The following DNAH9 variants were observed in gnomAD, a reference collection of about 807,000 sequenced individuals.
DNAH9 encodes DNAH9 variant protein.
In DNAH9, 345 loss-of-function variants were observed where a neutral mutation model predicts 471.6. That is an observed-to-expected ratio of 0.73 (90% CI 0.67 to 0.80). The LOEUF is 0.80. Ranked by LOEUF, DNAH9 falls within the 30% of genes least tolerant of loss-of-function variation. The probability of loss-of-function intolerance (pLI) is 0.00; values close to 1 mark genes in which losing one functional copy is unlikely to be tolerated. For missense variants in DNAH9, 5,407 were observed against 5,609.2 expected, an observed-to-expected ratio of 0.96 and a Z score of 1.15; for synonymous variants, 2,093 against 2,123.6, an observed-to-expected ratio of 0.99 and a Z score of 0.40.
chr17:11,852,492 A>G (rs1433960698), intron 49 of DNAH9, among the ~76,000 whole-genome samples: 4 of 152,066 alleles, frequency 2.6e-5, no homozygotes, highest in East Asian at 3.9e-4. Context: ...TGTCCAATCC[A>G]TGTCCAGTTT....
At chr17:11,747,959 T>C (rs1389972008) in intron 32 of DNAH9, among the ~76,000 whole-genome samples, 193 bp downstream of exon 32, 1 of 152,018 alleles carries the variant, frequency 6.6e-6, no homozygotes, top group East Asian at 1.9e-4. Context: ...TTTTCAGATA[T>C]TCTCCCTCCT....
chr17:11,603,697 T>C (rs1452876879), intron 1 of DNAH9, among the ~76,000 whole-genome samples: 1 of 152,194 alleles, frequency 6.6e-6, no homozygotes, highest in Non-Finnish European at 1.5e-5. Flanking sequence ...ACCCCCTTCA[T>C]AGCAGAATTC....
chr17:11,946,935 G>T (rs1975148656), intron 67 of DNAH9, among the ~76,000 whole-genome samples: 1 of 152,152 alleles, frequency 6.6e-6, no homozygotes, highest in Admixed American at 6.5e-5. Context: ...AACACTGTTA[G>T]CATTCATGAA....
At position 11,885,577 on chromosome 17, in the gene DNAH9, T is replaced by A. The variant is rs1972854992; in HGVS notation, c.10972-1248T>A. Among the ~76,000 whole-genome samples the A allele has an allele frequency of 3.9e-5, 6 of 152,372 alleles. No homozygotes were observed. The South Asian group carries it at 1.2e-3, about 32-fold the overall frequency. On this transcript the variant is annotated intron_variant, in intron 56 of 68. Transcript: ENST00000262442. The stretch of plus-strand genomic sequence containing the variant: ...TCTATTATTTAAACTGAACACTTTT[T>A]AAATTTAAATAACTATACTCTTATT...
chr17:11,883,017 A>C (rs2150997178), intron 55 of DNAH9: 1 of 985,816 alleles, frequency 1.0e-6, no homozygotes, highest in Admixed American at 6.1e-5. Context: ...AGCTGCCTGA[A>C]GTTAGTGCTT....
intron 26 of DNAH9, among the ~76,000 whole-genome samples, chr17:11,712,081 T>TTA: frequency 6.6e-5 from 1 of 15,114 alleles, no homozygotes; most frequent in East Asian, 2.1e-3. Context: ...TATATAAATA[T>TTA]ATTTGTATAT....
intron 41 of DNAH9, among the ~76,000 whole-genome samples, chr17:11,789,555 CT>C (rs1968993475): frequency 1.3e-5 from 2 of 151,894 alleles, no homozygotes; most frequent in Admixed American, 6.6e-5. Context: ...TGTCTTTTCT[CT>C]TTTTTTCTCT....
chr17:11,942,861 G>A (rs1393967590), intron 67 of DNAH9, among the ~76,000 whole-genome samples: 1 of 151,924 alleles, frequency 6.6e-6, no homozygotes, highest in Non-Finnish European at 1.5e-5. Flanking sequence ...AGCTGAGGAA[G>A]GTGACTGCTG....
chr17:11,680,900 A>T lies in DNAH9; in HGVS notation c.3743+11A>T. 1 of 1,600,964 alleles carries T rather than the reference A, an allele frequency of 6.2e-7. No homozygotes were observed. Among genetic ancestry groups the T allele is most frequent in the Non-Finnish European group, 8.5e-7 (1 of 1,173,224 alleles). The stretch of plus-strand genomic sequence containing the variant: ...AGAAGCCCCGTTCAGGTATGGGCCG[A>T]ACACTGCTGCCTCTCTTTCTGTGAA... On this transcript the variant is annotated intron_variant, in intron 19 of 68. Coordinates refer to ENST00000262442, the MANE Select transcript of DNAH9 (RefSeq NM_001372.4).
At chr17:11,677,847 C>T (rs1032836083) in intron 17 of DNAH9, among the ~76,000 whole-genome samples, 1 of 151,892 alleles carries the variant, frequency 6.6e-6, no homozygotes, top group East Asian at 1.9e-4. Context: ...TTTTAATAAG[C>T]ATCCTTAAAA....
intron 29 of DNAH9, among the ~76,000 whole-genome samples, chr17:11,741,135 A>G (rs1443872556): frequency 1.3e-5 from 2 of 152,218 alleles, no homozygotes; most frequent in South Asian, 2.1e-4. Flanking sequence ...TTTGAATACA[A>G]TGTAAAATAT....
chr17:11,631,314 G>T (rs922629264), intron 7 of DNAH9, among the ~76,000 whole-genome samples: 1 of 152,116 alleles, frequency 6.6e-6, no homozygotes, highest in African/African-American at 2.4e-5. Context: ...AAAGGAGAAA[G>T]AAATTAGGGC....
At chr17:11,680,656 C>A in intron 18 of DNAH9, 67 bp from the exon 19 acceptor site, 1 of 1,401,940 alleles carries the variant, frequency 7.1e-7, no homozygotes, top group Non-Finnish European at 1.0e-6. Flanking sequence ...GGGCTCTGTC[C>A]AGCTCAGGAC....
chr17:11,828,245 G>A (rs1196159186), intron 48 of DNAH9, among the ~76,000 whole-genome samples: 2 of 151,852 alleles, frequency 1.3e-5, no homozygotes, highest in African/African-American at 4.8e-5. Context: ...AGTCCGAGGC[G>A]GGTGGATCAC....
chr17:11,625,689 A>G (rs905481351), intron 6 of DNAH9, among the ~76,000 whole-genome samples: 1 of 152,024 alleles, frequency 6.6e-6, no homozygotes, highest in Non-Finnish European at 1.5e-5. Context: ...CACATATTGA[A>G]TCCTCCCCAC....
intron 63 of DNAH9, among the ~76,000 whole-genome samples, chr17:11,931,552 T>C (rs1974509447): frequency 6.6e-6 from 1 of 152,126 alleles, no homozygotes; most frequent in African/African-American, 2.4e-5. Context: ...GCAAAACACA[T>C]TCAGTACCCC....
chr17:11,651,263 G>T lies in DNAH9; in HGVS notation c.2292G>T (p.Glu764Asp). The change falls in exon 13 of 69, where the codon GAG (glutamate) becomes GAT (aspartate). Residue 764 changes from glutamate to aspartate, a missense_variant. By Grantham distance (45) the Glu-to-Asp change is conservative. Coordinates refer to ENST00000262442, the MANE Select transcript of DNAH9 (RefSeq NM_001372.4). The stretch of plus-strand genomic sequence containing the variant: ...TGGAATTTCCATTAGTGGAGGAAGA[G>T]CTGCAAAATATTGATCTCCGCCTCA... ...LEVEFPLVEE[E>D]LQNIDLRLRA... 1 of 1,614,046 alleles carries T rather than the reference G, an allele frequency of 6.2e-7. No individual in the cohort carries two copies. Among genetic ancestry groups the T allele is most frequent in the Non-Finnish European group, 8.5e-7 (1 of 1,179,956 alleles).
At chr17:11,609,458 T>C (rs531554541) in intron 2 of DNAH9, among the ~76,000 whole-genome samples, 18 of 152,328 alleles carry the variant, frequency 1.2e-4, no homozygotes, top group African/African-American at 4.3e-4. Flanking sequence ...TTTGTTCAAG[T>C]TTGATAATTT....
At chr17:11,743,843 T>A (rs2075469658) in intron 30 of DNAH9, among the ~76,000 whole-genome samples, 1 of 152,016 alleles carries the variant, frequency 6.6e-6, no homozygotes, top group Admixed American at 6.6e-5. Flanking sequence ...ATTTTTTTTT[T>A]TTTTGAGATG....
Sources: allele counts gnomAD v4.1 joint callset (sites outside exome capture counted in the v4.1 genomes callset), GRCh38; gene constraint gnomAD v4.1.1; transcripts MANE v1.5; gene names NCBI Gene and HGNC (gene_info 2026-07-23, HGNC 2026-07-21).